ASPRV1: variants seen among roughly 807,000 people sequenced by gnomAD.
ASPRV1 encodes the protein aspartic peptidase retroviral like 1.
Under a neutral mutation model 11.0 loss-of-function variants are expected in ASPRV1, and 7 were observed. The ratio of observed to expected loss-of-function variants is 0.64; its 90% CI spans 0.36 to 1.20. The LOEUF is 1.20. ASPRV1 is among the 50% of genes most tolerant of loss of function. The pLI, the probability that ASPRV1 is intolerant of heterozygous loss-of-function variation, is 0.02. For missense variants in ASPRV1, 299 were observed against 320.0 expected (o/e 0.93, Z 0.50); for synonymous variants, 136 against 138.4 (o/e 0.98, Z 0.12).
the ASPRV1 span, among the ~76,000 whole-genome samples, chr2:70,079,519 C>T: frequency 2.6e-5 from 4 of 151,560 alleles, no homozygotes; most frequent in African/African-American, 9.7e-5. Flanking sequence ...AGAGTGTAGA[C>T]AGAGAAGGGA....
At chr2:69,937,501 G>A in the ASPRV1 span, 1 of 1,112,168 alleles carries the variant, frequency 9.0e-7, no homozygotes, top group South Asian at 1.6e-5. Context: ...CTAAGACACT[G>A]GGTATGATGT....
chr2:69,937,498 A>C, the ASPRV1 span: 1 of 1,125,790 alleles, frequency 8.9e-7, no homozygotes, highest in Non-Finnish European at 1.2e-6. Context: ...GAACTAAGAC[A>C]CTGGGTATGA....
At chr2:69,936,302 T>G in the ASPRV1 span, among the ~76,000 whole-genome samples, 87,105 of 151,768 alleles carry the variant, frequency 0.57, 27,448 homozygotes, top group African/African-American at 0.83. Context: ...GTGACCATTG[T>G]GTTGTCTCAA....
At chr2:70,029,936 C>A in the ASPRV1 span, 2 of 152,094 alleles carry the variant, frequency 1.3e-5, no homozygotes, top group African/African-American at 4.8e-5. Context: ...CTGGTCTCTC[C>A]CTCTCCACCC....
At chr2:69,990,857 C>T in the ASPRV1 span, among the ~76,000 whole-genome samples, 1 of 152,130 alleles carries the variant, frequency 6.6e-6, no homozygotes. Flanking sequence ...GGACATTAGG[C>T]GCCCTCGGGC....
the ASPRV1 span, chr2:69,937,411 C>T: frequency 1.0e-4 from 161 of 1,585,568 alleles, 1 homozygote; most frequent in East Asian, 2.5e-3. Context: ...CTCTCTCACT[C>T]TCCTCCCTGT....
At chr2:70,010,197 T>G in the ASPRV1 span, among the ~76,000 whole-genome samples, 14 of 151,954 alleles carry the variant, frequency 9.2e-5, no homozygotes, top group Non-Finnish European at 1.3e-4. Flanking sequence ...GGGGTCTAGT[T>G]CCCACACTGT....
chr2:70,002,124 A>T, the ASPRV1 span, among the ~76,000 whole-genome samples: 2 of 152,316 alleles, frequency 1.3e-5, no homozygotes, highest in East Asian at 3.9e-4. Flanking sequence ...TTCTCTTGTA[A>T]GAAACATGGC....
chr2:70,027,545 C>T, the ASPRV1 span, among the ~76,000 whole-genome samples: 1 of 152,030 alleles, frequency 6.6e-6, no homozygotes, highest in Admixed American at 6.6e-5. Flanking sequence ...GGTATATATA[C>T]AAATACAGCC....
the ASPRV1 span, among the ~76,000 whole-genome samples, chr2:69,991,088 C>T: frequency 6.6e-6 from 1 of 152,224 alleles, no homozygotes; most frequent in South Asian, 2.1e-4. Context: ...TTCACCTCTC[C>T]TCTGGCTAAC....
At chr2:69,936,463 G>A in the ASPRV1 span, among the ~76,000 whole-genome samples, 1 of 152,170 alleles carries the variant, frequency 6.6e-6, no homozygotes, top group Non-Finnish European at 1.5e-5. Flanking sequence ...AAAGTCTTGA[G>A]AGCCACAGCC....
the ASPRV1 span, among the ~76,000 whole-genome samples, chr2:69,948,240 C>T: frequency 6.6e-6 from 1 of 152,068 alleles, no homozygotes; most frequent in East Asian, 1.9e-4. Context: ...AGAGTGAGAC[C>T]CTGTCTCAAA....
the ASPRV1 span, among the ~76,000 whole-genome samples, chr2:70,061,460 T>C: frequency 6.8e-6 from 1 of 146,726 alleles, no homozygotes; most frequent in Non-Finnish European, 1.5e-5. Context: ...CAGTAAAGAG[T>C]GTTCCAGGCA....
chr2:69,993,444 G>C, the ASPRV1 span: 2 of 152,228 alleles, frequency 1.3e-5, no homozygotes, highest in African/African-American at 4.8e-5. Context: ...AACAGTAAGG[G>C]AGACATTTTC....
the ASPRV1 span, chr2:69,995,181 C>G: frequency 6.6e-6 from 1 of 150,990 alleles, no homozygotes; most frequent in Admixed American, 6.6e-5. Context: ...GTCAGGAGAT[C>G]GAGACCATCC....
upstream of ASPRV1, chr2:69,964,338 C>T (rs1238855805): frequency 1.5e-5 from 7 of 455,788 alleles, no homozygotes; most frequent in Non-Finnish European, 2.6e-5. Flanking sequence ...GGGACCTCCA[C>T]AACAGAAACA....
chr2:70,037,832 AGTTTTT>A, the ASPRV1 span, among the ~76,000 whole-genome samples: 2 of 152,096 alleles, frequency 1.3e-5, no homozygotes, highest in East Asian at 3.8e-4. Flanking sequence ...TTATTACTTT[AGTTTTT>A]ATGTAAAAAC....
chr2:70,065,132 CG>C, the ASPRV1 span, among the ~76,000 whole-genome samples: 1 of 150,234 alleles, frequency 6.7e-6, no homozygotes, highest in African/African-American at 2.5e-5. Context: ...AGGCCAGGTG[CG>C]GTGGGTGGCT....
chr2:70,007,626 AGAT>A, the ASPRV1 span, among the ~76,000 whole-genome samples: 3,735 of 152,124 alleles, frequency 0.025, 339 homozygotes, highest in Admixed American at 0.17. Flanking sequence ...TTTATAATAT[AGAT>A]GATACACATG....
Sources: gnomAD v4.1 joint callset for allele counts (sites outside exome capture counted in the v4.1 genomes callset) on GRCh38, gnomAD v4.1.1 for gene constraint, MANE v1.5 for transcripts, NCBI Gene and HGNC (gene_info 2026-07-23, HGNC 2026-07-21) for gene names.